MEI4: variants seen among roughly 807,000 people sequenced by gnomAD.
MEI4 encodes meiosis-specific protein MEI4.
In MEI4, 27 loss-of-function variants were observed where a neutral mutation model predicts 31.4. The observed-to-expected ratio is 0.86, with a 90% CI of 0.63 to 1.19. The LOEUF is 1.19. Ranked by LOEUF, MEI4 falls within the 50% of genes most tolerant of loss-of-function variation. The probability of loss-of-function intolerance (pLI) is 0.00; values close to 1 mark genes in which losing one functional copy is unlikely to be tolerated. For synonymous variants in MEI4, 122 were observed against 145.4 expected, an observed-to-expected ratio of 0.84 and a Z score of 1.16; for missense variants, 329 against 398.9, an observed-to-expected ratio of 0.82 and a Z score of 1.49.
At chr6:77,774,339 G>T (rs1047299988) in intron 3 of MEI4, among the ~76,000 whole-genome samples, 1 of 152,052 alleles carries the variant, frequency 6.6e-6, no homozygotes, top group Non-Finnish European at 1.5e-5. Flanking sequence ...CGTAAAAAAA[G>T]AATGAGATCC....
At chr6:77,730,084 G>A (rs759541601) in intron 2 of MEI4, among the ~76,000 whole-genome samples, 1 of 152,086 alleles carries the variant, frequency 6.6e-6, no homozygotes, top group Non-Finnish European at 1.5e-5. Flanking sequence ...CTTGGAGAAA[G>A]GCTTGTTCAA....
At chr6:77,672,881 A>G (rs563305224) in intron 1 of MEI4, among the ~76,000 whole-genome samples, 1 of 152,376 alleles carries the variant, frequency 6.6e-6, no homozygotes, top group East Asian at 1.9e-4. Flanking sequence ...GTTTTGGAAG[A>G]ATCAATATTT....
At chr6:77,740,824 A>G (rs982912213) in intron 2 of MEI4, among the ~76,000 whole-genome samples, 1 of 151,872 alleles carries the variant, frequency 6.6e-6, no homozygotes, top group Non-Finnish European at 1.5e-5. Flanking sequence ...AAAAAAATAT[A>G]TATATAATAT....
chr6:77,773,455 T>C (rs572501197), intron 3 of MEI4, among the ~76,000 whole-genome samples: 2 of 152,144 alleles, frequency 1.3e-5, no homozygotes, highest in East Asian at 3.9e-4. Context: ...CTTCTGTGAA[T>C]GGTACTGGGA....
At chr6:77,837,107 A>G (rs1487933154) in intron 4 of MEI4, among the ~76,000 whole-genome samples, 1 of 152,112 alleles carries the variant, frequency 6.6e-6, no homozygotes, top group Non-Finnish European at 1.5e-5. Flanking sequence ...TGAAACTGCT[A>G]CTTATTAAGA....
At chr6:77,882,109 G>A (rs996711899) in intron 4 of MEI4, among the ~76,000 whole-genome samples, 1 of 152,134 alleles carries the variant, frequency 6.6e-6, no homozygotes, top group Non-Finnish European at 1.5e-5. Context: ...TCAATAATTT[G>A]CTGGAGTGAC....
intron 4 of MEI4, among the ~76,000 whole-genome samples, chr6:77,907,852 G>A (rs1294330645): frequency 1.3e-5 from 2 of 152,036 alleles, no homozygotes; most frequent in South Asian, 2.1e-4. Context: ...TCATTGGTAT[G>A]AGATGGTATC....
chr6:77,688,265 G>A lies in MEI4; in HGVS notation c.-14-2393G>A, dbSNP rs141196144. Among the ~76,000 whole-genome samples, 87 of 152,160 alleles carry A rather than the reference G, an allele frequency of 5.7e-4. No homozygotes were observed. In the East Asian group the frequency reaches 8.5e-3, roughly 15 times the overall value. The stretch of plus-strand genomic sequence containing the variant: ...ACACATTTACACACACAAACATGAG[G>A]AAGCAGTTTTAAAAACCTGGTTTTG... On this transcript the variant is annotated intron_variant, in intron 1 of 4. Coordinates refer to ENST00000684080, the MANE Select transcript of MEI4 (RefSeq NM_001322247.2).
intron 3 of MEI4, among the ~76,000 whole-genome samples, chr6:77,791,166 G>A (rs6935234): frequency 6.6e-6 from 1 of 151,886 alleles, no homozygotes; most frequent in Non-Finnish European, 1.5e-5. Flanking sequence ...ATTTGACCCA[G>A]CCATCCCATT....
rs955725873 is a variant in MEI4 at position 77,869,650 on chromosome 6, A to T, written c.900+40588A>T. Among the ~76,000 whole-genome samples the T allele has an allele frequency of 5.3e-5, 8 of 152,128 alleles. No homozygotes were observed. In the South Asian group the frequency reaches 1.7e-3, roughly 32 times the overall value. On this transcript the variant is annotated intron_variant, in intron 4 of 4. Transcript: ENST00000684080. The stretch of plus-strand genomic sequence containing the variant: ...TAAGTATCTGTTGTTTAAGCTACCC[A>T]GGTTGTGATATTTTGCTATAGTGGT...
chr6:77,752,710 C>T (rs9361276), intron 2 of MEI4, among the ~76,000 whole-genome samples: 20,980 of 152,062 alleles, frequency 0.14, 1,534 homozygotes, highest in Middle Eastern at 0.21. Flanking sequence ...TCAGTGTATC[C>T]CCATTAAGCT....
intron 1 of MEI4, among the ~76,000 whole-genome samples, chr6:77,688,294 G>A (rs1311857030): frequency 5.3e-5 from 8 of 152,050 alleles, no homozygotes; most frequent in African/African-American, 1.9e-4. Context: ...GGTTTTGTTT[G>A]GTTGTATGTT....
At chr6:77,866,902 T>C (rs1020515051) in intron 4 of MEI4, among the ~76,000 whole-genome samples, 5 of 151,918 alleles carry the variant, frequency 3.3e-5, no homozygotes, top group South Asian at 2.1e-4. Context: ...AGAACAGAGC[T>C]CTCAGAAATA....
chr6:77,695,639 C>T (rs1201612497), intron 2 of MEI4, among the ~76,000 whole-genome samples: 2 of 152,248 alleles, frequency 1.3e-5, no homozygotes, highest in African/African-American at 4.8e-5. Context: ...GTTTTGGTAC[C>T]AGTACCATGC....
intron 2 of MEI4, among the ~76,000 whole-genome samples, chr6:77,760,929 A>G (rs932836505): frequency 6.6e-6 from 1 of 152,188 alleles, no homozygotes. Context: ...TCTACCCATG[A>G]AGATAAAGAC....
intron 2 of MEI4, among the ~76,000 whole-genome samples, chr6:77,732,589 T>C (rs1431543187): frequency 2.6e-5 from 4 of 151,088 alleles, no homozygotes; most frequent in Non-Finnish European, 5.9e-5. Context: ...ACAATTTGAC[T>C]TCCTCTTTTC....
At chr6:77,777,321 A>G (rs1235627602) in intron 3 of MEI4, among the ~76,000 whole-genome samples, 1 of 152,182 alleles carries the variant, frequency 6.6e-6, no homozygotes, top group Non-Finnish European at 1.5e-5. Flanking sequence ...AAAGACTCAT[A>G]AATTAGCTCT....
chr6:77,855,520 T>C (rs925864616), intron 4 of MEI4, among the ~76,000 whole-genome samples: 4 of 152,172 alleles, frequency 2.6e-5, no homozygotes, highest in African/African-American at 9.7e-5. Context: ...TGGAAGATTA[T>C]TAAAATAGAC....
intron 2 of MEI4, among the ~76,000 whole-genome samples, chr6:77,698,279 T>C (rs1454127217): frequency 3.3e-5 from 5 of 152,226 alleles, no homozygotes; most frequent in Admixed American, 2.6e-4. Context: ...TTAAAGTTAA[T>C]ATTGTTATGT....
Sources: allele counts gnomAD v4.1 joint callset (sites outside exome capture counted in the v4.1 genomes callset), GRCh38; gene constraint gnomAD v4.1.1; transcripts MANE v1.5; gene names NCBI Gene and HGNC (gene_info 2026-07-23, HGNC 2026-07-21).